MYBPHL: variants seen among roughly 807,000 people sequenced by gnomAD.
The protein encoded by MYBPHL is myosin-binding protein H-like.
In MYBPHL, 32 loss-of-function variants were observed where a neutral mutation model predicts 39.5. That is an observed-to-expected ratio of 0.81 (90% CI 0.61 to 1.09). The LOEUF is 1.09. MYBPHL is among the 50% of genes least tolerant of loss of function. The pLI is 0.00. For missense variants in MYBPHL, 456 were observed against 460.2 expected (o/e 0.99, Z 0.08); for synonymous variants, 196 against 183.7 (o/e 1.07, Z -0.54).
chr1:109,294,341 G>A lies in MYBPHL; in HGVS notation c.1055-92C>T, dbSNP rs144968141. Reference sequence around the variant, plus strand: ...CATTAGAAAGGAATATTCTATTTCAGGTTCTTGGGGAGTCAATGGTGCTAA... The same window carrying A: ...CATTAGAAAGGAATATTCTATTTCAAGTTCTTGGGGAGTCAATGGTGCTAA... On this transcript the variant is annotated intron_variant, in intron 7 of 8. Transcript: ENST00000357155. 443 of 1,273,402 alleles carry A rather than the reference G, an allele frequency of 3.5e-4. 1 individual carries two copies. The East Asian group carries it at 9.8e-3, about 28-fold the overall frequency. 78.9% of individuals were successfully genotyped at this position (1,273,402 alleles called of 1,614,324 possible).
intron 1 of MYBPHL, among the ~76,000 whole-genome samples, chr1:109,300,998 G>A (rs1257704012): frequency 6.6e-6 from 1 of 152,238 alleles, no homozygotes; most frequent in African/African-American, 2.4e-5. Flanking sequence ...GAGGTGGCAG[G>A]AGAGAGTGTG....
In MYBPHL at chr1:109,305,562, G is replaced by A. The variant is rs916686963; in HGVS notation, c.145+1285C>T. 7.2e-5 allele frequency among the ~76,000 whole-genome samples: 11 copies of A among 152,198 alleles called. No homozygotes were observed. In the East Asian group the frequency reaches 9.6e-4, roughly 13 times the overall value. On this transcript the variant is annotated intron_variant, in intron 1 of 8. Transcript: ENST00000357155. ...GAAGACCAGTAGAGAGAGCTGAGGC[G>A]TCAGCAGTCCTGGCTCTCATTCTCC...
rs1417049699 is a variant in MYBPHL at position 109,292,540 on chromosome 1, A to T, written c.*82T>A. 1 of 152,238 alleles carries T rather than the reference A, an allele frequency of 6.6e-6. No individual in the cohort carries two copies. The highest frequency in any genetic ancestry group is 2.1e-4 in the South Asian group (1 of 4,826). The allele number at this position is 152,238 out of a possible 1,614,324, so 9.4% of individuals were successfully genotyped here. A position where few individuals can be genotyped will look rare whatever the true frequency, so the allele number is the denominator to read the frequency against. On this transcript the variant is annotated 3_prime_UTR_variant, in exon 9 of 9. Transcript: ENST00000357155. ...CCAGGCTGCTGAGGGCACCGTTGTC[A>T]CGGTCCCTGGCTCCTGTGCCATGAA...
intron 8 of MYBPHL, 143 bp downstream of exon 8, chr1:109,294,063 C>CAA: frequency 9.1e-6 from 5 of 548,336 alleles, no homozygotes; most frequent in Admixed American, 3.1e-5. Flanking sequence ...GACATCATTT[C>CAA]AAAAAAAAAA....
At chr1:109,302,840 A>G (rs1267991926) in intron 1 of MYBPHL, among the ~76,000 whole-genome samples, 2 of 152,220 alleles carry the variant, frequency 1.3e-5, no homozygotes, top group African/African-American at 4.8e-5. Context: ...TAGCGTAGCT[A>G]TCTCTGAGAA....
Position 109,295,761 on chromosome 1 carries a change from A to C in MYBPHL, c.868-464T>G, listed in dbSNP as rs1323116929. 2.0e-5 allele frequency among the ~76,000 whole-genome samples: 3 copies of C among 152,176 alleles called. No homozygotes were observed. The South Asian group carries it at 6.2e-4, about 32-fold the overall frequency. On this transcript the variant is annotated intron_variant, in intron 6 of 8. Transcript: ENST00000357155. ...GTAGTCTTGCCCAGACTCAAAACCCAAAAGATTCTTGGTACAGGTTGTTAA... is the reference window on the plus strand; with the variant it reads ...GTAGTCTTGCCCAGACTCAAAACCCCAAAGATTCTTGGTACAGGTTGTTAA...
chr1:109,293,999 G>C (rs1657962760), intron 8 of MYBPHL, among the ~76,000 whole-genome samples: 1 of 152,122 alleles, frequency 6.6e-6, no homozygotes, highest in Non-Finnish European at 1.5e-5. Flanking sequence ...AGGAGGCAGA[G>C]GTTGCAGTGA....
At chr1:109,305,636 T>A (rs1049560571) in intron 1 of MYBPHL, among the ~76,000 whole-genome samples, 2 of 152,210 alleles carry the variant, frequency 1.3e-5, no homozygotes, top group Non-Finnish European at 2.9e-5. Context: ...GAAACTGGTT[T>A]TCTGCCTCCA....
At chr1:109,294,184 C>T in intron 8 of MYBPHL, 22 bp downstream of exon 8, 2 of 1,454,106 alleles carry the variant, frequency 1.4e-6, no homozygotes, top group Non-Finnish European at 1.9e-6. Flanking sequence ...TCCAGTGAGA[C>T]ATCTTGCCTC....
Position 109,297,144 on chromosome 1 carries a change from C to A in MYBPHL, c.476G>T (p.Gly159Val). The change falls in exon 4 of 9, where the codon GGC becomes GTC. Residue 159 changes from glycine to valine, a missense_variant. Gly to Val is a moderately radical substitution (Grantham distance 109). Coordinates refer to ENST00000357155, the MANE Select transcript of MYBPHL (RefSeq NM_001010985.3). ...PQSIKLVDVW[G>V]FSATLEWTPP... Reference sequence around the variant, plus strand: ...TGTCCATTCCAGTGTAGCGCTGAAGCCCCAAACGTCCACCAGCTTAATACT... The same window carrying A: ...TGTCCATTCCAGTGTAGCGCTGAAGACCCAAACGTCCACCAGCTTAATACT... 6.2e-7 allele frequency: 1 copy of A among 1,614,194 alleles called. No homozygotes were observed. Among genetic ancestry groups the A allele is most frequent in the Non-Finnish European group, 8.5e-7 (1 of 1,180,040 alleles).
At chr1:109,306,146 A>T (rs1056382157) in intron 1 of MYBPHL, among the ~76,000 whole-genome samples, 8 of 152,196 alleles carry the variant, frequency 5.3e-5, no homozygotes, top group African/African-American at 1.9e-4. Flanking sequence ...GGTGAGCGCC[A>T]CGAAGTGGTT....
chr1:109,295,085 G>T (rs766582912), intron 7 of MYBPHL, 26 bp downstream of exon 7: 1 of 1,607,810 alleles, frequency 6.2e-7, no homozygotes, highest in Non-Finnish European at 8.5e-7. Flanking sequence ...GGCACCCTAA[G>T]GCACTAGTTC....
At chr1:109,293,751 A>ATAAATAAG in intron 8 of MYBPHL, among the ~76,000 whole-genome samples, 1 of 147,912 alleles carries the variant, frequency 6.8e-6, no homozygotes, top group East Asian at 2.0e-4. Context: ...AAATAAATAA[A>ATAAATAAG]TAAATAAATA....
At chr1:109,300,800 C>T (rs1658249998) in intron 1 of MYBPHL, among the ~76,000 whole-genome samples, 1 of 152,160 alleles carries the variant, frequency 6.6e-6, no homozygotes, top group African/African-American at 2.4e-5. Flanking sequence ...ACGGCAGTCT[C>T]TCCCTCCCTG....
intron 6 of MYBPHL, among the ~76,000 whole-genome samples, 156 bp downstream of exon 6, chr1:109,296,078 A>AC (rs889644351): frequency 2.0e-4 from 30 of 151,736 alleles, no homozygotes; most frequent in African/African-American, 3.9e-4. Flanking sequence ...GACTCCAAGC[A>AC]CCCCCCCGAC....
At chr1:109,306,771 C>T (rs776580909) in intron 1 of MYBPHL, 76 bp downstream of exon 1, 19 of 1,325,264 alleles carry the variant, frequency 1.4e-5, no homozygotes, top group South Asian at 3.2e-5. Context: ...CCTGAGGCGC[C>T]GTTCAGGAAG....
Position 109,306,878 on chromosome 1 carries a change from G to A in MYBPHL, c.114C>T (p.Ser38=), listed in dbSNP as rs1570862475. 6.3e-7 allele frequency: 1 copy of A among 1,599,978 alleles called. No individual in the cohort carries two copies. The highest frequency in any genetic ancestry group is 1.4e-5 in the African/African-American group (1 of 73,888). The stretch of plus-strand genomic sequence containing the variant: ...TAGGGGGCAGGAGCTGGGGAGTGGG[G>A]CTGCCAGCCCCCTGTCCAGGTGAAG... The part of the protein sequence containing the change: ...PQASPGQGAG[S]PTPQLLPPIE... Residue 38 remains serine (S), a synonymous_variant, in exon 1 of 9, where the codon AGC becomes AGT. Transcript: ENST00000357155.
At position 109,295,335 on chromosome 1, in the gene MYBPHL, G is replaced by A. The variant is rs1156273483; in HGVS notation, c.868-38C>T. 1.0e-5 allele frequency: 16 copies of A among 1,583,924 alleles called. 1 individual carries two copies. Among genetic ancestry groups the A allele is most frequent in the East Asian group, 2.3e-5 (1 of 44,312 alleles). Reference sequence around the variant, plus strand: ...GATGAGGGAGGCAGCAAGGAGGGGCGAGGGTAAGAACCAATAGTCTTTCTG... The same window carrying A: ...GATGAGGGAGGCAGCAAGGAGGGGCAAGGGTAAGAACCAATAGTCTTTCTG... On this transcript the variant is annotated intron_variant, in intron 6 of 8. Transcript: ENST00000357155.
chr1:109,302,588 G>A (rs1658331375), intron 1 of MYBPHL, among the ~76,000 whole-genome samples: 1 of 152,054 alleles, frequency 6.6e-6, no homozygotes, highest in South Asian at 2.1e-4. Context: ...GCCTCTCCAG[G>A]CATAACTCCT....
Sources: allele counts gnomAD v4.1 joint callset (sites outside exome capture counted in the v4.1 genomes callset), GRCh38; gene constraint gnomAD v4.1.1; transcripts MANE v1.5; gene names NCBI Gene and HGNC (gene_info 2026-07-23, HGNC 2026-07-21).